NAP1L4: variants seen among roughly 807,000 people sequenced by gnomAD.
The protein encoded by NAP1L4 is nucleosome assembly protein 1-like 4.
NAP1L4 carries 15 observed loss-of-function variants against 58.2 expected under a neutral mutation model. The ratio of observed to expected loss-of-function variants is 0.26; its 90% confidence interval spans 0.17 to 0.40. NAP1L4 has a LOEUF of 0.40. NAP1L4 is among the 10% of genes least tolerant of loss of function. NAP1L4 has a pLI of 1.00. For synonymous variants in NAP1L4, 171 were observed against 155.6 expected (o/e 1.10, Z -0.74); for missense variants, 384 against 451.1 (o/e 0.85, Z 1.35).
chr11:2,986,999 AAG>A (rs1848673422), intron 1 of NAP1L4, among the ~76,000 whole-genome samples: 1 of 152,110 alleles, frequency 6.6e-6, no homozygotes. Context: ...TTCTCAATCC[AAG>A]AGAGTCTGAC....
chr11:2,978,618 T>C (rs971860007), intron 2 of NAP1L4, among the ~76,000 whole-genome samples: 1 of 152,212 alleles, frequency 6.6e-6, no homozygotes, highest in African/African-American at 2.4e-5. Context: ...CTCTCATTTC[T>C]ACAGCTTCTT....
chr11:2,949,190 A>T lies in NAP1L4; in HGVS notation c.*32+37T>A. 6.6e-7 allele frequency: 1 copy of T among 1,511,776 alleles called. No homozygotes were observed. Among genetic ancestry groups the T allele is most frequent in the Non-Finnish European group, 9.2e-7 (1 of 1,089,558 alleles). The allele number at this position is 1,511,776 out of a possible 1,614,324, so 93.6% of individuals were successfully genotyped here. On this transcript the variant is annotated intron_variant, in intron 15 of 15. Transcript: ENST00000380542. This position sits in a 1 kb window ranked among gnomAD's most constrained non-coding sequence, Gnocchi z 4.0. ...TGCATTGTATAAAGTATAGATCAGA[A>T]GTTTGGAAGTTAGGTATGAATGGAA... is the stretch of plus-strand genomic sequence containing the variant.
chr11:2,956,934 G>A (rs1021095901), intron 10 of NAP1L4, among the ~76,000 whole-genome samples: 11 of 152,012 alleles, frequency 7.2e-5, no homozygotes, highest in African/African-American at 2.7e-4. Flanking sequence ...TTGGTATTAT[G>A]TGTTTGATTA....
At chr11:2,968,624 C>A (rs1847433368) in intron 7 of NAP1L4, among the ~76,000 whole-genome samples, 1 of 152,142 alleles carries the variant, frequency 6.6e-6, no homozygotes, top group Non-Finnish European at 1.5e-5. Context: ...TTTGTGAAAA[C>A]CATTAAAAAC....
At position 2,972,250 on chromosome 11, in the gene NAP1L4, A is replaced by G. The variant is rs777497175; in HGVS notation, c.174-7T>C. The G allele has an allele frequency of 1.8e-5, 28 of 1,596,504 alleles. 1 individual carries two copies. In the South Asian group the frequency reaches 3.1e-4, roughly 18 times the overall value. On this transcript the variant is annotated splice_region_variant and splice_polypyrimidine_tract_variant and intron_variant, in intron 4 of 15. Coordinates refer to ENST00000380542, the MANE Select transcript of NAP1L4 (RefSeq NM_005969.4). ...TTTTACTGCTTTAGGTAAACTAAAA[A>G]AGGGAGTAAGAAATACAACATCCTC...
chr11:2,972,384 G>A (rs1055370611), intron 4 of NAP1L4, 141 bp from the exon 5 acceptor site: 6 of 594,640 alleles, frequency 1.0e-5, no homozygotes, highest in South Asian at 9.5e-5. Context: ...ATTAAGAAAA[G>A]GACAATACCC....
chr11:2,945,729 A>G, intron 15 of NAP1L4, 83 bp from the exon 16 acceptor site: 3 of 1,146,318 alleles, frequency 2.6e-6, no homozygotes, highest in South Asian at 1.4e-5. Flanking sequence ...GAAAGCCAAG[A>G]CTGAATGAGT....
At chr11:2,986,058 C>T (rs1280274538) in intron 1 of NAP1L4, among the ~76,000 whole-genome samples, 3 of 152,196 alleles carry the variant, frequency 2.0e-5, no homozygotes, top group Non-Finnish European at 4.4e-5. Context: ...AAAACATCTA[C>T]TCCATAGCTA....
chr11:2,965,146 A>G (rs1847186314), intron 7 of NAP1L4, among the ~76,000 whole-genome samples: 1 of 152,266 alleles, frequency 6.6e-6, no homozygotes, highest in Admixed American at 6.5e-5. Context: ...AAAGAGCAGA[A>G]GCCTGGAAGT....
At chr11:2,991,064 A>G (rs200426021) in intron 1 of NAP1L4, 55 of 456,288 alleles carry the variant, frequency 1.2e-4, no homozygotes, top group Non-Finnish European at 2.1e-4. Context: ...GAACCAAAGC[A>G]CAGACGAATG....
intron 4 of NAP1L4, among the ~76,000 whole-genome samples, chr11:2,974,041 TAC>T (rs1158055032): frequency 6.6e-6 from 1 of 152,236 alleles, no homozygotes; most frequent in Non-Finnish European, 1.5e-5. Context: ...GTGCTAGGAT[TAC>T]AGGTGTGAGC....
chr11:2,991,684 C>G (rs1848980171), intron 1 of NAP1L4: 1 of 152,732 alleles, frequency 6.5e-6, no homozygotes, highest in South Asian at 2.0e-4. Context: ...AAACTGACAT[C>G]AAAACCCCAG....
At chr11:2,952,560 C>T (rs1172988159) in intron 12 of NAP1L4, 1 of 152,328 alleles carries the variant, frequency 6.6e-6, no homozygotes, top group Non-Finnish European at 1.5e-5. Flanking sequence ...TTCGGTGGAA[C>T]TTAGAAGGGC....
At chr11:2,984,370 C>G (rs1248859436) in intron 1 of NAP1L4, among the ~76,000 whole-genome samples, 1 of 151,910 alleles carries the variant, frequency 6.6e-6, no homozygotes, top group Non-Finnish European at 1.5e-5. Context: ...GTCAGGAGTT[C>G]GAGACCAGCC....
chr11:2,948,121 G>A lies in NAP1L4; in HGVS notation c.*32+1106C>T, dbSNP rs185649983. On this transcript the variant is annotated intron_variant, in intron 15 of 15. Coordinates refer to ENST00000380542, the MANE Select transcript of NAP1L4 (RefSeq NM_005969.4). This position sits in a 1 kb window ranked among gnomAD's most constrained non-coding sequence, Gnocchi z 5.1. ...GAGTGGCTAAGTTCTTCAGACATGC[G>A]GGGACAACAGGAATTAATGGCAGCT... 5.9e-5 allele frequency among the ~76,000 whole-genome samples: 9 copies of A among 152,292 alleles called. No homozygotes were observed. Among genetic ancestry groups the A allele is most frequent in the African/African-American group, 1.7e-4 (7 of 41,544 alleles).
In NAP1L4 at chr11:2,945,417, T is replaced by C. The variant is rs1845888549; in HGVS notation, c.*262A>G. On this transcript the variant is annotated 3_prime_UTR_variant, in exon 16 of 16. Transcript: ENST00000380542. ...CGAAACCTCCTATTTCTGAAATGCA[T>C]TTCAGTTGCCACTGTACAAGTTAAG... 3.4e-6 allele frequency: 2 copies of C among 582,888 alleles called. No homozygotes were observed. The highest frequency in any genetic ancestry group is 2.2e-5 in the South Asian group (1 of 45,874). The allele number at this position is 582,888 out of a possible 1,614,324, so 36.1% of individuals were successfully genotyped here. A position where few individuals can be genotyped will look rare whatever the true frequency, so the allele number is the denominator to read the frequency against.
In NAP1L4 at chr11:2,970,857, C is replaced by CAA. The variant is rs138910365; in HGVS notation, c.402+590_402+591insTT. Among the ~76,000 whole-genome samples the CAA allele has an allele frequency of 1.9e-3, 217 of 111,608 alleles. 1 individual carries two copies. The South Asian group carries it at 0.022, about 11-fold the overall frequency. The allele number at this position is 111,608 out of a possible 152,430, so 73.2% of individuals were successfully genotyped here. ...AAAATCATCATATACCACCCCCCCC[C>CAA]CAAAAAAAAAACTGCAAAAAGTTAG... On this transcript the variant is annotated intron_variant, in intron 6 of 15. Transcript: ENST00000380542.
Position 2,945,665 on chromosome 11 carries a change from A to C in NAP1L4, c.*33-19T>G, listed in dbSNP as rs182219632. ...GTTCCTTCTGTCAATGAAAAAGACA[A>C]GGCTTGTAGAGAGCAAAGCCAGCTC... is the stretch of plus-strand genomic sequence containing the variant. On this transcript the variant is annotated intron_variant, in intron 15 of 15. Transcript: ENST00000380542. 1.6e-5 allele frequency: 24 copies of C among 1,534,710 alleles called. No homozygotes were observed. The highest frequency in any genetic ancestry group is 3.4e-4 in the Middle Eastern group (2 of 5,956).
chr11:2,986,336 T>C (rs1032222293), intron 1 of NAP1L4, among the ~76,000 whole-genome samples: 1 of 140,694 alleles, frequency 7.1e-6, no homozygotes, highest in African/African-American at 2.7e-5. Context: ...ATTGCCCCAC[T>C]AGACTCCAGT....
Sources: allele counts gnomAD v4.1 joint callset (sites outside exome capture counted in the v4.1 genomes callset), GRCh38; gene constraint gnomAD v4.1.1; non-coding constraint Gnocchi (gnomAD v3.1); transcripts MANE v1.5; gene names NCBI Gene and HGNC (gene_info 2026-07-23, HGNC 2026-07-21).